The following LMBRD1 variants were observed in gnomAD, a reference collection of about 807,000 sequenced individuals.
The protein encoded by LMBRD1 is lysosomal cobalamin transport escort protein LMBD1.
Under a neutral mutation model 74.8 loss-of-function variants are expected in LMBRD1, and 64 were observed. The ratio of observed to expected loss-of-function variants is 0.86; its 90% CI spans 0.70 to 1.05. LMBRD1 has a LOEUF of 1.05. Among genes scored for constraint, LMBRD1 ranks in the 50% least tolerant of loss-of-function variants. The pLI is 0.00. For synonymous variants in LMBRD1, 204 were observed against 216.3 expected (o/e 0.94, Z 0.50); for missense variants, 652 against 645.9 (o/e 1.01, Z -0.10).
intron 3 of LMBRD1, among the ~76,000 whole-genome samples, chr6:69,764,603 GT>G (rs960439383): frequency 1.3e-5 from 2 of 152,062 alleles, no homozygotes; most frequent in Admixed American, 6.6e-5. Flanking sequence ...CTTTCTATGG[GT>G]TTTTAAGCCA....
At chr6:69,767,485 C>A (rs1231716565) in intron 3 of LMBRD1, among the ~76,000 whole-genome samples, 1 of 151,696 alleles carries the variant, frequency 6.6e-6, no homozygotes, top group East Asian at 1.9e-4. Context: ...GGTTTAAATG[C>A]CAAATACTTG....
At chr6:69,677,269 A>T (rs1484051286) in intron 14 of LMBRD1, among the ~76,000 whole-genome samples, 4 of 152,198 alleles carry the variant, frequency 2.6e-5, no homozygotes, top group African/African-American at 4.8e-5. Context: ...CTTTCTACAC[A>T]GCATCCCCTC....
chr6:69,710,201 C>T (rs1582074067), intron 9 of LMBRD1, among the ~76,000 whole-genome samples: 1 of 151,986 alleles, frequency 6.6e-6, no homozygotes, highest in African/African-American at 2.4e-5. Context: ...TAGACCCACA[C>T]TTACACTACA....
chr6:69,779,143 G>C (rs1238014163), intron 3 of LMBRD1, among the ~76,000 whole-genome samples: 2 of 145,050 alleles, frequency 1.4e-5, no homozygotes, highest in African/African-American at 5.3e-5. Context: ...CCGAGACTGT[G>C]CCACTGCACT....
At chr6:69,796,056 T>G (rs1246254004) in intron 1 of LMBRD1, among the ~76,000 whole-genome samples, 2 of 152,224 alleles carry the variant, frequency 1.3e-5, no homozygotes, top group African/African-American at 4.8e-5. Context: ...AGGGTTTTAA[T>G]ATGAACAGGG....
intron 2 of LMBRD1, among the ~76,000 whole-genome samples, chr6:69,789,476 A>G (rs1840942): frequency 0.66 from 100,696 of 151,726 alleles, 34,168 homozygotes; most frequent in African/African-American, 0.8. Context: ...ACAGTGAACC[A>G]AGATCATGCC....
At chr6:69,676,591 T>C (rs770627195) in intron 14 of LMBRD1, 50 bp from the exon 15 acceptor site, 35 of 1,320,278 alleles carry the variant, frequency 2.7e-5, no homozygotes, top group Non-Finnish European at 2.7e-5. Context: ...TTCATAAAAT[T>C]GATGATTAAT....
intron 7 of LMBRD1, among the ~76,000 whole-genome samples, chr6:69,730,814 A>G (rs998512509): frequency 6.6e-6 from 1 of 152,168 alleles, no homozygotes; most frequent in Non-Finnish European, 1.5e-5. Flanking sequence ...GCAACAGTCA[A>G]GTGCTTCATA....
chr6:69,683,757 A>T (rs901318242), intron 14 of LMBRD1, among the ~76,000 whole-genome samples: 1 of 151,946 alleles, frequency 6.6e-6, no homozygotes, highest in South Asian at 2.1e-4. Context: ...CTGTTCTAGT[A>T]TAGGAATAAA....
chr6:69,705,276 A>G (rs1294225424), intron 9 of LMBRD1: 4 of 726,334 alleles, frequency 5.5e-6, no homozygotes, highest in East Asian at 5.1e-5. Flanking sequence ...CAAATTGTTT[A>G]AACTATTTTC....
At position 69,790,396 on chromosome 6, in the gene LMBRD1, G is replaced by T. The variant is rs1287421862; in HGVS notation, c.146C>A (p.Thr49Lys). The T allele has an allele frequency of 6.2e-7, 1 of 1,613,832 alleles. No homozygotes were observed. Among genetic ancestry groups the T allele is most frequent in the Admixed American group, 1.7e-5 (1 of 59,996 alleles). The change falls in exon 2 of 16, where the codon ACA becomes AAA. Residue 49 changes from threonine (T) to lysine (K), a missense_variant. Thr to Lys is a moderately conservative substitution (Grantham distance 78). Around this residue, in one of 3 missense-constraint regions of LMBRD1, gnomAD observed 598 missense variants for 581.8 expected, o/e 1.03. Transcript: ENST00000649934. ...RRESEVVSTI[T>K]AIFSLAIALI... Reference sequence around the variant, plus strand: ...TGCAATTGCTAGAGAAAAAATTGCTGTTATGGTGGAGACAACTTCACTTTC... The same window carrying T: ...TGCAATTGCTAGAGAAAAAATTGCTTTTATGGTGGAGACAACTTCACTTTC...
At chr6:69,779,889 T>C (rs554398309) in intron 3 of LMBRD1, among the ~76,000 whole-genome samples, 1 of 152,302 alleles carries the variant, frequency 6.6e-6, no homozygotes, top group South Asian at 2.1e-4. Context: ...AAACGGTCCT[T>C]AGGAAGTTTT....
At chr6:69,782,697 A>AAG (rs1554244253) in intron 2 of LMBRD1, among the ~76,000 whole-genome samples, 3 of 151,466 alleles carry the variant, frequency 2.0e-5, no homozygotes, top group African/African-American at 4.9e-5. Context: ...CAAAAAAAAA[A>AAG]AGAGAGAGAG....
At chr6:69,749,918 A>ACAT (rs1562111627) in intron 4 of LMBRD1, among the ~76,000 whole-genome samples, 38 of 108,240 alleles carry the variant, frequency 3.5e-4, no homozygotes, top group African/African-American at 1.6e-3. Context: ...ATAAGTATAT[A>ACAT]TACACATATA....
chr6:69,726,991 T>A (rs974862585), intron 7 of LMBRD1, among the ~76,000 whole-genome samples: 1 of 151,954 alleles, frequency 6.6e-6, no homozygotes, highest in African/African-American at 2.4e-5. Context: ...CCATCTCTAC[T>A]AAAAATGCAA....
In LMBRD1 at chr6:69,764,304, C is replaced by A. The variant is rs182698088; in HGVS notation, c.308-11948G>T. ...TGTCCTTATAAGAAGAGAAAGAGAC[C>A]AGAGTACATGCGCTAGATCGTTACC... On this transcript the variant is annotated intron_variant, in intron 3 of 15. Coordinates refer to ENST00000649934, the MANE Select transcript of LMBRD1 (RefSeq NM_018368.4). Among the ~76,000 whole-genome samples the A allele has an allele frequency of 2.0e-3, 298 of 151,586 alleles. 1 individual carries two copies. Among genetic ancestry groups the A allele is most frequent in the African/African-American group, 7.0e-3 (289 of 41,358 alleles).
intron 5 of LMBRD1, among the ~76,000 whole-genome samples, chr6:69,748,148 A>C (rs1002450352): frequency 9.2e-5 from 14 of 152,226 alleles, no homozygotes; most frequent in African/African-American, 3.4e-4. Context: ...TTCTTTGTTT[A>C]TGTATTGTCT....
At chr6:69,752,454 T>C (rs1020110939) in intron 3 of LMBRD1, 98 bp from the exon 4 acceptor site, 1 of 972,984 alleles carries the variant, frequency 1.0e-6, no homozygotes, top group African/African-American at 1.6e-5. Flanking sequence ...ACAAATTCAC[T>C]CCCCTATCTG....
intron 14 of LMBRD1, among the ~76,000 whole-genome samples, chr6:69,692,083 C>T (rs1765897141): frequency 6.6e-6 from 1 of 151,918 alleles, no homozygotes; most frequent in Admixed American, 6.6e-5. Flanking sequence ...CTTTGTACTT[C>T]CTATTTATAT....
Sources: allele counts gnomAD v4.1 joint callset (sites outside exome capture counted in the v4.1 genomes callset), GRCh38; gene constraint gnomAD v4.1.1; regional missense constraint gnomAD v4.1.1; transcripts MANE v1.5; gene names NCBI Gene and HGNC (gene_info 2026-07-23, HGNC 2026-07-21).